The following ANTXR1 variants were observed in gnomAD, a reference collection of about 807,000 sequenced individuals.
ANTXR1 encodes ANTXR cell adhesion molecule 1, also known as anthrax toxin receptor 1.
In ANTXR1, 19 loss-of-function variants were observed where a neutral mutation model predicts 78.1. That is an observed-to-expected ratio of 0.24 (90% CI 0.17 to 0.36). ANTXR1 has a LOEUF of 0.36. Among genes scored for constraint, ANTXR1 ranks in the 10% least tolerant of loss-of-function variants. The pLI is 1.00. For synonymous variants in ANTXR1, 273 were observed against 260.5 expected, an observed-to-expected ratio of 1.05 and a Z score of -0.46; for missense variants, 518 against 718.6, an observed-to-expected ratio of 0.72 and a Z score of 3.19.
intron 9 of ANTXR1, 29 bp downstream of exon 9, chr2:69,090,948 T>A: frequency 6.2e-7 from 1 of 1,605,650 alleles, no homozygotes. Context: ...CTAATTGCTT[T>A]CATACAATTG....
chr2:69,121,202 A>G (rs1312398788), intron 10 of ANTXR1, among the ~76,000 whole-genome samples: 1 of 152,222 alleles, frequency 6.6e-6, no homozygotes, highest in African/African-American at 2.4e-5. Flanking sequence ...CTCCTTGGAC[A>G]AGGTACTTTA....
At chr2:69,231,577 T>G (rs1675597659) in intron 17 of ANTXR1, among the ~76,000 whole-genome samples, 1 of 152,246 alleles carries the variant, frequency 6.6e-6, no homozygotes, top group African/African-American at 2.4e-5. Flanking sequence ...TATAATTTGC[T>G]ATTTTTCCTC....
intron 12 of ANTXR1, among the ~76,000 whole-genome samples, chr2:69,127,262 T>C (rs1232620553): frequency 6.6e-6 from 1 of 152,000 alleles, no homozygotes; most frequent in Non-Finnish European, 1.5e-5. Flanking sequence ...GAAAAGGTGG[T>C]ATTTGAGTAG....
chr2:69,216,420 TACATACATATACAC>T (rs1558651989), intron 17 of ANTXR1, among the ~76,000 whole-genome samples: 1 of 151,990 alleles, frequency 6.6e-6, no homozygotes, highest in Non-Finnish European at 1.5e-5. Flanking sequence ...CACATGCATA[TACATACATATACAC>T]ACATACATAT....
chr2:69,216,817 C>T (rs952266910), intron 17 of ANTXR1, among the ~76,000 whole-genome samples: 2 of 152,212 alleles, frequency 1.3e-5, no homozygotes, highest in Non-Finnish European at 2.9e-5. Context: ...ATACTACCAA[C>T]AAATATTTAC....
chr2:69,119,198 G>A (rs932340199), intron 10 of ANTXR1, among the ~76,000 whole-genome samples: 1 of 152,202 alleles, frequency 6.6e-6, no homozygotes, highest in African/African-American at 2.4e-5. Context: ...GCAGCCGGAA[G>A]TGAGGCCAGG....
At chr2:69,198,429 G>C (rs1258445587) in intron 17 of ANTXR1, among the ~76,000 whole-genome samples, 1 of 152,046 alleles carries the variant, frequency 6.6e-6, no homozygotes, top group Non-Finnish European at 1.5e-5. Flanking sequence ...GGTTTCCTGT[G>C]ATCATTTTCT....
intron 1 of ANTXR1, among the ~76,000 whole-genome samples, chr2:69,027,287 C>T (rs938272903): frequency 1.3e-5 from 2 of 152,170 alleles, no homozygotes; most frequent in African/African-American, 2.4e-5. Flanking sequence ...CGCCAGATCG[C>T]GCGCCTCCAG....
intron 3 of ANTXR1, among the ~76,000 whole-genome samples, chr2:69,060,046 T>C (rs1414783992): frequency 6.6e-6 from 1 of 152,222 alleles, no homozygotes; most frequent in Admixed American, 6.5e-5. Flanking sequence ...TGCCAGCTTA[T>C]GCTGCAACCT....
At chr2:69,023,382 T>C (rs1671250823) in intron 1 of ANTXR1, among the ~76,000 whole-genome samples, 1 of 151,916 alleles carries the variant, frequency 6.6e-6, no homozygotes, top group African/African-American at 2.4e-5. Context: ...ATGAAGATGA[T>C]GATGGTGATA....
chr2:69,061,752 T>C lies in ANTXR1; in HGVS notation c.297-8895T>C, dbSNP rs1368336463. Among the ~76,000 whole-genome samples, 5 of 152,206 alleles carry C rather than the reference T, an allele frequency of 3.3e-5. No individual in the cohort carries two copies. In the East Asian group the frequency reaches 9.6e-4, roughly 29 times the overall value. The stretch of plus-strand genomic sequence containing the variant: ...GGAGATGTGGGATCAAAGAGGACTT[T>C]AAAAAATGTTTTTAAGATAAGAGAT... On this transcript the variant is annotated intron_variant, in intron 3 of 17. Transcript: ENST00000303714.
intron 10 of ANTXR1, among the ~76,000 whole-genome samples, chr2:69,111,282 AAGATCCACTTTCAACTGG>A (rs1671970906): frequency 6.6e-6 from 1 of 152,218 alleles, no homozygotes; most frequent in African/African-American, 2.4e-5. Flanking sequence ...GTGCCAAGAA[AAGATCCACTTTCAACTGG>A]AGATCCACTT....
intron 3 of ANTXR1, among the ~76,000 whole-genome samples, chr2:69,054,253 G>A (rs1465596240): frequency 2.0e-5 from 3 of 152,060 alleles, no homozygotes; most frequent in East Asian, 1.9e-4. Context: ...CTCAAGAAGC[G>A]CTATCCCAGT....
chr2:69,099,254 T>C (rs1289660889), intron 9 of ANTXR1, among the ~76,000 whole-genome samples: 2 of 152,244 alleles, frequency 1.3e-5, no homozygotes, highest in African/African-American at 4.8e-5. Context: ...CATAATGTTT[T>C]CAAGGTTCAT....
intron 14 of ANTXR1, chr2:69,172,315 G>A (rs1473570791): frequency 6.7e-6 from 10 of 1,489,956 alleles, no homozygotes; most frequent in Non-Finnish European, 8.4e-6. Flanking sequence ...TAGCGTGTGT[G>A]TTGGCCCTGT....
At chr2:69,114,498 C>G (rs1359188495) in intron 10 of ANTXR1, among the ~76,000 whole-genome samples, 2 of 152,230 alleles carry the variant, frequency 1.3e-5, no homozygotes, top group African/African-American at 4.8e-5. Flanking sequence ...TCACCTTTTA[C>G]TTCCTCTCCA....
chr2:69,156,772 AT>A (rs1318714857), intron 13 of ANTXR1, among the ~76,000 whole-genome samples: 1 of 152,224 alleles, frequency 6.6e-6, no homozygotes, highest in Non-Finnish European at 1.5e-5. Flanking sequence ...ATGCTAAGCC[AT>A]TCACGAGAAA....
intron 17 of ANTXR1, 112 bp from the exon 18 acceptor site, chr2:69,245,113 C>A: frequency 7.8e-7 from 1 of 1,284,166 alleles, no homozygotes; most frequent in South Asian, 1.2e-5. Flanking sequence ...AGAGAGTTGT[C>A]ACCAACAGGG....
intron 16 of ANTXR1, among the ~76,000 whole-genome samples, chr2:69,189,290 G>C (rs1674497753): frequency 6.6e-6 from 1 of 152,196 alleles, no homozygotes; most frequent in Non-Finnish European, 1.5e-5. Context: ...TGCCCTGCAA[G>C]TCGGGCAGCG....
Sources: gnomAD v4.1 joint callset for allele counts (sites outside exome capture counted in the v4.1 genomes callset) on GRCh38, gnomAD v4.1.1 for gene constraint, MANE v1.5 for transcripts, NCBI Gene and HGNC (gene_info 2026-07-23, HGNC 2026-07-21) for gene names.